The following ECE1 variants were observed in gnomAD, a reference collection of about 807,000 sequenced individuals.
ECE1 encodes endothelin converting enzyme 1.
Under a neutral mutation model 98.6 loss-of-function variants are expected in ECE1, and 35 were observed. The ratio of observed to expected loss-of-function variants is 0.35; its 90% CI spans 0.27 to 0.47. ECE1 has a LOEUF of 0.47. Ranked by LOEUF, ECE1 falls within the 20% of genes least tolerant of loss-of-function variation. The pLI, the probability that ECE1 is intolerant of heterozygous loss-of-function variation, is 1.00. For missense variants in ECE1, 814 were observed against 1,025.3 expected (o/e 0.79, Z 2.81); for synonymous variants, 394 against 407.1 (o/e 0.97, Z 0.39).
At position 21,301,484 on chromosome 1, in the gene ECE1, C is replaced by A. The variant is rs189151564; in HGVS notation, c.4-11328G>T. Among the ~76,000 whole-genome samples the A allele has an allele frequency of 2.0e-5, 3 of 149,924 alleles. No homozygotes were observed. In the East Asian group the frequency reaches 5.9e-4, roughly 29 times the overall value. On this transcript the variant is annotated intron_variant, in intron 1 of 18. Transcript: ENST00000415912. ...CACTCCAGCCTGGGCGACAGCGAGA[C>A]TCCGTCTCAAAAAACAAACAAACAA...
intron 2 of ECE1, among the ~76,000 whole-genome samples, chr1:21,286,074 A>G (rs2098260241): frequency 6.6e-6 from 1 of 152,158 alleles, no homozygotes; most frequent in South Asian, 2.1e-4. Flanking sequence ...AGAATTTAAT[A>G]TCTCACCTTT....
rs1265695795 is a variant in ECE1, at chr1:21,258,075, T to C, written c.763-485A>G. On this transcript the variant is annotated intron_variant, in intron 6 of 18. Coordinates refer to ENST00000374893, the MANE Select transcript of ECE1 (RefSeq NM_001397.3). This position sits in a 1 kb window ranked among gnomAD's most constrained non-coding sequence, Gnocchi z 4.2. ...CAAGCAGGAGGGGAGGGTCAAATTCTGCTTGCTACTATTGGCACCCATGGC... is the reference window on the plus strand; with the variant it reads ...CAAGCAGGAGGGGAGGGTCAAATTCCGCTTGCTACTATTGGCACCCATGGC... Among the ~76,000 whole-genome samples, 2 of 152,214 alleles carry C rather than the reference T, an allele frequency of 1.3e-5. No homozygotes were observed. The highest frequency in any genetic ancestry group is 4.8e-5 in the African/African-American group (2 of 41,458).
Position 21,317,223 on chromosome 1 carries a change from C to T in ECE1, c.4-27067G>A, listed in dbSNP as rs139894275. Among the ~76,000 whole-genome samples the T allele has an allele frequency of 3.4e-3, 519 of 152,320 alleles. 1 individual carries two copies. Among genetic ancestry groups the T allele is most frequent in the Non-Finnish European group, 6.0e-3 (408 of 68,028 alleles). ...GGTCAGACAGACTTGGGCTTCGAGC[C>T]AGCCCTGTGCTTTGCTGCCATGCGA... On this transcript the variant is annotated intron_variant, in intron 1 of 18. Transcript: ENST00000415912.
intron 2 of ECE1, chr1:21,279,827 C>G (rs2098252316): frequency 3.2e-6 from 2 of 617,792 alleles, no homozygotes; most frequent in South Asian, 6.0e-5. Flanking sequence ...AACACGCGAG[C>G]CACCTTGTTA....
intron 18 of ECE1, among the ~76,000 whole-genome samples, chr1:21,221,385 T>C (rs1214800130): frequency 6.6e-6 from 1 of 152,190 alleles, no homozygotes; most frequent in Non-Finnish European, 1.5e-5. Context: ...TGGACTAGGC[T>C]GGTCTCAAAC....
At chr1:21,250,389 T>C (rs2098211042) in intron 8 of ECE1, among the ~76,000 whole-genome samples, 2 of 152,240 alleles carry the variant, frequency 1.3e-5, no homozygotes, top group South Asian at 2.1e-4. Context: ...TATATACTGC[T>C]ACAGCAAAAA....
In ECE1 at chr1:21,264,317, C is replaced by CG. The variant is rs1182192989; in HGVS notation, c.494-3926_494-3925insC. ...CACTGGAATATACCAATTCCCCCCC[C>CG]CCCTTTTTTTTTTTTGACACTGAGT... On this transcript the variant is annotated intron_variant, in intron 4 of 18. Coordinates refer to ENST00000374893, the MANE Select transcript of ECE1 (RefSeq NM_001397.3). Among the ~76,000 whole-genome samples, 648 of 82,502 alleles carry CG rather than the reference C, an allele frequency of 7.9e-3. 4 individuals carry two copies. Among genetic ancestry groups the CG allele is most frequent in the African/African-American group, 0.029 (614 of 21,212 alleles). 54.1% of individuals were successfully genotyped at this position (82,502 alleles called of 152,430 possible). A position where few individuals can be genotyped will look rare whatever the true frequency, so the allele number is the denominator to read the frequency against.
In ECE1 at chr1:21,290,088, T is replaced by C. The variant is rs374887879; in HGVS notation, c.120A>G (p.Ala40=). ...CGCCTACCTGCAGGCCGTTGGGGTATGCGTCGCCCTCGGAGAGCGAGTCCA... is the reference window on the plus strand; with the variant it reads ...CGCCTACCTGCAGGCCGTTGGGGTACGCGTCGCCCTCGGAGAGCGAGTCCA... The part of the protein sequence containing the change: ...DLVDSLSEGD[A]YPNGLQVNFH... Residue 40 remains alanine, a synonymous_variant, in exon 2 of 19, where the codon GCA becomes GCG. Transcript: ENST00000374893. The surrounding 1 kb of genome is among the most constrained non-coding windows in gnomAD (Gnocchi z 7.3). The C allele has an allele frequency of 1.9e-6, 3 of 1,539,926 alleles. No individual in the cohort carries two copies. The highest frequency in any genetic ancestry group is 1.2e-5 in the South Asian group (1 of 82,952).
rs2098225394 is a variant in ECE1, at chr1:21,260,511, C to T, written c.494-119G>A. The T allele has an allele frequency of 3.1e-6, 4 of 1,293,920 alleles. No individual in the cohort carries two copies. The highest frequency in any genetic ancestry group is 1.2e-5 in the South Asian group (1 of 84,238). 80.2% of individuals were successfully genotyped at this position (1,293,920 alleles called of 1,614,324 possible). Reference sequence around the variant, plus strand: ...AGCTGCAAAGGAGCTCTGACATCTGCCTGTCGGAGTGGCAGTGAGGAATGC... The same window carrying T: ...AGCTGCAAAGGAGCTCTGACATCTGTCTGTCGGAGTGGCAGTGAGGAATGC... On this transcript the variant is annotated intron_variant, in intron 4 of 18. Transcript: ENST00000374893. The surrounding 1 kb of genome is among the most constrained non-coding windows in gnomAD (Gnocchi z 4.3).
chr1:21,227,337 C>T (rs1011923886), intron 15 of ECE1, 111 bp from the exon 16 acceptor site: 17 of 1,111,790 alleles, frequency 1.5e-5, no homozygotes, highest in Non-Finnish European at 1.9e-5. Context: ...CAAAATTCCA[C>T]AGGGCTCTGT....
chr1:21,241,352 T>TA (rs1235729886), intron 10 of ECE1, among the ~76,000 whole-genome samples: 2 of 150,818 alleles, frequency 1.3e-5, no homozygotes, highest in Non-Finnish European at 2.9e-5. Flanking sequence ...TTTTTGCAGA[T>TA]AAAAAACTGT....
intron 1 of ECE1, among the ~76,000 whole-genome samples, chr1:21,321,638 T>C (rs1389013783): frequency 7.0e-6 from 1 of 142,460 alleles, no homozygotes; most frequent in Non-Finnish European, 1.5e-5. Flanking sequence ...TTGATTGAGA[T>C]GGAGTCTCGC....
intron 1 of ECE1, among the ~76,000 whole-genome samples, chr1:21,344,274 T>A (rs1639454844): frequency 1.3e-5 from 2 of 152,116 alleles, no homozygotes; most frequent in Non-Finnish European, 2.9e-5. Context: ...CCTGCTCCCA[T>A]CCAGGCGCCC....
At chr1:21,224,892 C>T (rs1163308657) in intron 17 of ECE1, among the ~76,000 whole-genome samples, 1 of 152,214 alleles carries the variant, frequency 6.6e-6, no homozygotes, top group Non-Finnish European at 1.5e-5. Context: ...TGCTCCTTGC[C>T]CTGGCTGCTT....
At chr1:21,323,416 C>T (rs35204330) in intron 1 of ECE1, among the ~76,000 whole-genome samples, 12,462 of 152,192 alleles carry the variant, frequency 0.082, 600 homozygotes, top group Non-Finnish European at 0.11. Flanking sequence ...GTGCCTACTA[C>T]GTGTTAGCAC....
intron 2 of ECE1, among the ~76,000 whole-genome samples, chr1:21,287,210 G>A (rs910708435): frequency 6.6e-6 from 1 of 152,112 alleles, no homozygotes; most frequent in African/African-American, 2.4e-5. Context: ...TGGGATGAAG[G>A]GTCTGTTTTA....
intron 2 of ECE1, among the ~76,000 whole-genome samples, chr1:21,284,105 T>TG (rs2098258046): frequency 6.6e-6 from 1 of 152,236 alleles, no homozygotes; most frequent in Admixed American, 6.5e-5. Context: ...CAATGGCCGC[T>TG]GGCCTCGGCT....
Position 21,225,695 on chromosome 1 carries a change from C to CTTT in ECE1, c.1850-258_1850-256dup, listed in dbSNP as rs11293119. On this transcript the variant is annotated intron_variant, in intron 16 of 18. Transcript: ENST00000374893. The surrounding 1 kb of genome is among the most constrained non-coding windows in gnomAD (Gnocchi z 5.3). Reference sequence around the variant, plus strand: ...CAGTGGGGCTTGCTTTGTTTTCTTTCTTTTTTTTTTTTTTTTGAGACAGTC... The same window carrying CTTT: ...CAGTGGGGCTTGCTTTGTTTTCTTTCTTTTTTTTTTTTTTTTTTTGAGACAGTC... 1.5e-5 allele frequency among the ~76,000 whole-genome samples: 2 copies of CTTT among 137,308 alleles called. No homozygotes were observed. The highest frequency in any genetic ancestry group is 7.3e-5 in the Admixed American group (1 of 13,618). The allele number at this position is 137,308 out of a possible 152,430, so 90.1% of individuals were successfully genotyped here. A position where few individuals can be genotyped will look rare whatever the true frequency, so the allele number is the denominator to read the frequency against.
In ECE1 at chr1:21,327,882, T is replaced by C. The variant is rs1639117577; in HGVS notation, c.3+17494A>G. Among the ~76,000 whole-genome samples, 1 of 152,176 alleles carries C rather than the reference T, an allele frequency of 6.6e-6. No homozygotes were observed. On this transcript the variant is annotated intron_variant, in intron 1 of 18. Transcript: ENST00000415912. This position sits in a 1 kb window ranked among gnomAD's most constrained non-coding sequence, Gnocchi z 4.6. Reference sequence around the variant, plus strand: ...GATTCTCGTAGGAGCGCGAACCCTATTGTGAACTGCACGTGCGAGGGATCT... The same window carrying C: ...GATTCTCGTAGGAGCGCGAACCCTACTGTGAACTGCACGTGCGAGGGATCT...
Sources: gnomAD v4.1 joint callset for allele counts (sites outside exome capture counted in the v4.1 genomes callset) on GRCh38, gnomAD v4.1.1 for gene constraint, Gnocchi (gnomAD v3.1) non-coding constraint, MANE v1.5 for transcripts, NCBI Gene and HGNC (gene_info 2026-07-23, HGNC 2026-07-21) for gene names.